The following STK10 variants were observed in gnomAD, a reference collection of about 807,000 sequenced individuals.
STK10 encodes the protein serine/threonine kinase 10.
Under a neutral mutation model 113.8 loss-of-function variants are expected in STK10, and 78 were observed. The observed-to-expected ratio is 0.69, with a 90% CI of 0.57 to 0.83. The LOEUF (loss-of-function observed/expected upper bound fraction) is 0.83. STK10 is among the 40% of genes least tolerant of loss of function. The pLI is 0.00. For missense variants in STK10, 1,109 were observed against 1,280.1 expected, an observed-to-expected ratio of 0.87 and a Z score of 2.04; for synonymous variants, 465 against 494.7, an observed-to-expected ratio of 0.94 and a Z score of 0.80.
At chr5:172,166,075 G>A (rs1770566916) in intron 1 of STK10, among the ~76,000 whole-genome samples, 1 of 152,256 alleles carries the variant, frequency 6.6e-6, no homozygotes, top group African/African-American at 2.4e-5. Flanking sequence ...TTACAGGCGT[G>A]AGCCACTGCG....
intron 2 of STK10, among the ~76,000 whole-genome samples, chr5:172,154,838 G>C (rs760303127): frequency 1.2e-4 from 18 of 152,102 alleles, no homozygotes; most frequent in Non-Finnish European, 2.1e-4. Flanking sequence ...TCTTTTGTAA[G>C]ATGGGATAAA....
chr5:172,053,122 C>T, intron 17 of STK10, 80 bp from the exon 18 acceptor site: 4 of 1,072,892 alleles, frequency 3.7e-6, no homozygotes, highest in Non-Finnish European at 5.7e-6. Flanking sequence ...CACGCTGTGG[C>T]TACGAGGGCA....
At chr5:172,097,973 C>T (rs1355467500) in intron 7 of STK10, among the ~76,000 whole-genome samples, 1 of 152,128 alleles carries the variant, frequency 6.6e-6, no homozygotes, top group Non-Finnish European at 1.5e-5. Context: ...CAACCCACCA[C>T]GCTCACCGAA....
intron 14 of STK10, among the ~76,000 whole-genome samples, chr5:172,059,909 A>C (rs1269811079): frequency 6.6e-6 from 1 of 152,086 alleles, no homozygotes; most frequent in Non-Finnish European, 1.5e-5. Context: ...CGGCTTCCTG[A>C]TATTGTCATC....
intron 6 of STK10, 82 bp downstream of exon 6, chr5:172,106,538 C>T: frequency 7.1e-7 from 1 of 1,414,324 alleles, no homozygotes; most frequent in Non-Finnish European, 9.4e-7. Context: ...ACCACTGCAC[C>T]TCCCCAGCCC....
chr5:172,114,473 A>ATATATTTT (rs1226289994), intron 4 of STK10: 4 of 47,538 alleles, frequency 8.4e-5, no homozygotes, highest in African/African-American at 5.7e-4. Flanking sequence ...ATATATATAT[A>ATATATTTT]TTTTTTTTTT....
intron 12 of STK10, among the ~76,000 whole-genome samples, chr5:172,070,281 A>T (rs1768148485): frequency 6.6e-6 from 1 of 150,668 alleles, no homozygotes; most frequent in Non-Finnish European, 1.5e-5. Context: ...CTATATATCT[A>T]TATATATATG....
chr5:172,096,503 C>A lies in STK10; in HGVS notation c.928G>T (p.Ala310Ser). 2.5e-6 allele frequency: 4 copies of A among 1,613,830 alleles called. No individual in the cohort carries two copies. Among genetic ancestry groups the A allele is most frequent in the Non-Finnish European group, 3.4e-6 (4 of 1,180,050 alleles). ...NKALRELVAEAKAEVMEEIED... is the reference protein window; with the variant it reads ...NKALRELVAESKAEVMEEIED... ...ATCTCTTCCATCACCTCGGCCTTGG[C>A]CTCAGCCACCAGCTCCCGCAGAGCC... The change falls in exon 8 of 19, where the codon GCC becomes TCC. Residue 310 changes from alanine to serine, a missense_variant. Physicochemically the swap from Ala to Ser is moderately conservative, Grantham distance 99 (BLOSUM62 1). Coordinates refer to ENST00000176763, the MANE Select transcript of STK10 (RefSeq NM_005990.4).
chr5:172,061,022 T>A, intron 14 of STK10, 117 bp downstream of exon 14: 1 of 1,418,120 alleles, frequency 7.1e-7, no homozygotes, highest in Non-Finnish European at 9.3e-7. Context: ...AAGAATGATG[T>A]TTAGTTTTGG....
rs1768463798 is a variant in STK10 at position 172,082,832 on chromosome 5, A to G, written c.1809+129T>C. On this transcript the variant is annotated intron_variant, in intron 11 of 18. Coordinates refer to ENST00000176763, the MANE Select transcript of STK10 (RefSeq NM_005990.4). The surrounding 1 kb of genome is among the most constrained non-coding windows in gnomAD (Gnocchi z 4.3). Reference sequence around the variant, plus strand: ...AAGTCACTGCCTAACAAGATCGGGAAGCCCCCAGGAATTGGGCAATTGTTG... The same window carrying G: ...AAGTCACTGCCTAACAAGATCGGGAGGCCCCCAGGAATTGGGCAATTGTTG... 2.1e-6 allele frequency: 3 copies of G among 1,416,882 alleles called. No individual in the cohort carries two copies. The East Asian group carries it at 6.9e-5, about 33-fold the overall frequency. The allele number at this position is 1,416,882 out of a possible 1,614,324, so 87.8% of individuals were successfully genotyped here. A position where few individuals can be genotyped will look rare whatever the true frequency, so the allele number is the denominator to read the frequency against.
intron 5 of STK10, 84 bp from the exon 6 acceptor site, chr5:172,106,898 G>A (rs1020619704): frequency 1.4e-6 from 2 of 1,406,406 alleles, no homozygotes; most frequent in Middle Eastern, 2.0e-4. Flanking sequence ...GGGCCACCAC[G>A]AGCCACTGTC....
Position 172,156,793 on chromosome 5 carries a change from A to G in STK10, c.157-5T>C. Reference sequence around the variant, plus strand: ...ACCCGTCTCCTTATTCTTGGCCTGCAAAGAGGAGATACAGGAGGTCAACAA... The same window carrying G: ...ACCCGTCTCCTTATTCTTGGCCTGCGAAGAGGAGATACAGGAGGTCAACAA... On this transcript the variant is annotated splice_polypyrimidine_tract_variant and splice_region_variant and intron_variant, in intron 1 of 18. Coordinates refer to ENST00000176763, the MANE Select transcript of STK10 (RefSeq NM_005990.4). 6.2e-7 allele frequency: 1 copy of G among 1,612,146 alleles called. No individual in the cohort carries two copies. The highest frequency in any genetic ancestry group is 8.5e-7 in the Non-Finnish European group (1 of 1,178,492).
At chr5:172,149,495 C>CGTGTGTGTGTGTGTGTGTGTGTGTCT (rs1770159866) in intron 2 of STK10, among the ~76,000 whole-genome samples, 1 of 149,262 alleles carries the variant, frequency 6.7e-6, no homozygotes, top group Non-Finnish European at 1.5e-5. Flanking sequence ...ACAAAGTGCT[C>CGTGTGTGTGTGTGTGTGTGTGTGTCT]GTGTGTGTGT....
chr5:172,128,173 C>T (rs904279115), intron 2 of STK10, among the ~76,000 whole-genome samples: 9 of 149,878 alleles, frequency 6.0e-5, no homozygotes, highest in South Asian at 4.2e-4. Flanking sequence ...GTGATCCACC[C>T]GCTGCACTCC....
chr5:172,087,049 T>C (rs1012332818), intron 10 of STK10, among the ~76,000 whole-genome samples: 1 of 150,804 alleles, frequency 6.6e-6, no homozygotes, highest in Non-Finnish European at 1.5e-5. Context: ...GAACAGAAGG[T>C]GGTTTCATCT....
rs1256218401 is a variant in STK10 at position 172,087,622 on chromosome 5, TA to T, written c.1685+2609del. ...TATTTTTTAAATTTATTTACTTATT[TA>T]TTTTTTTTTTTTTTTTGAGACGGAG... On this transcript the variant is annotated intron_variant, in intron 10 of 18. Transcript: ENST00000176763. 3.6e-4 allele frequency among the ~76,000 whole-genome samples: 35 copies of T among 97,774 alleles called. 3 individuals carry two copies. Among genetic ancestry groups the T allele is most frequent in the South Asian group, 2.5e-3 (9 of 3,664 alleles). The allele number at this position is 97,774 out of a possible 152,430, so 64.1% of individuals were successfully genotyped here.
chr5:172,103,234 G>A lies in STK10; in HGVS notation c.870+2422C>T, dbSNP rs186270699. Among the ~76,000 whole-genome samples the A allele has an allele frequency of 7.2e-5, 11 of 152,354 alleles. No homozygotes were observed. The East Asian group carries it at 1.7e-3, about 24-fold the overall frequency. ...CCTGCTCTGATCCCGGTGTCCTCCC[G>A]AGGGGGTAATGCCATGCCCACCCTC... On this transcript the variant is annotated intron_variant, in intron 7 of 18. Transcript: ENST00000176763.
intron 14 of STK10, 128 bp downstream of exon 14, chr5:172,061,011 G>A: frequency 7.2e-7 from 1 of 1,387,894 alleles, no homozygotes; most frequent in Non-Finnish European, 9.5e-7. Context: ...GTTTCCCCAT[G>A]AAGAATGATG....
At position 172,115,317 on chromosome 5, in the gene STK10, T is replaced by G. The variant is rs529749622; in HGVS notation, c.520+2164A>C. Among the ~76,000 whole-genome samples, 3 of 152,216 alleles carry G rather than the reference T, an allele frequency of 2.0e-5. No individual in the cohort carries two copies. In the East Asian group the frequency reaches 5.8e-4, roughly 29 times the overall value. ...TTATTGATGCCAAAGCCTCCAATGG[T>G]GAGTTCGGGTTCAGGCAGCAGCAGA... is the stretch of plus-strand genomic sequence containing the variant. On this transcript the variant is annotated intron_variant, in intron 4 of 18. Coordinates refer to ENST00000176763, the MANE Select transcript of STK10 (RefSeq NM_005990.4).
Sources: gnomAD v4.1 joint callset for allele counts (sites outside exome capture counted in the v4.1 genomes callset) on GRCh38, gnomAD v4.1.1 for gene constraint, Gnocchi (gnomAD v3.1) non-coding constraint, MANE v1.5 for transcripts, NCBI Gene and HGNC (gene_info 2026-07-23, HGNC 2026-07-21) for gene names.